Variants in JUP observed in about 807,000 individuals in gnomAD.
JUP encodes the protein junction plakoglobin.
A neutral mutation model predicts 71.1 loss-of-function variants in JUP; 28 were observed. The ratio of observed to expected loss-of-function variants is 0.39; its 90% CI spans 0.29 to 0.54. The LOEUF (loss-of-function observed/expected upper bound fraction) is 0.54. JUP is among the 20% of genes least tolerant of loss of function. The probability of loss-of-function intolerance (pLI) is 0.62; values close to 1 mark genes in which losing one functional copy is unlikely to be tolerated. For missense variants in JUP, 869 were observed against 1,030.1 expected, an observed-to-expected ratio of 0.84 and a Z score of 2.14; for synonymous variants, 401 against 438.9, an observed-to-expected ratio of 0.91 and a Z score of 1.08.
chr17:41,758,299 C>T, intron 10 of JUP, 100 bp downstream of exon 10: 2 of 1,523,456 alleles, frequency 1.3e-6, no homozygotes, highest in Non-Finnish European at 1.8e-6. Flanking sequence ...CTCCAAAGAC[C>T]TCTTGATACC....
In JUP at chr17:41,768,330, C is replaced by G. The variant is rs1018684550; in HGVS notation, c.707+639G>C. On this transcript the variant is annotated intron_variant, in intron 4 of 13. Coordinates refer to ENST00000393931, the MANE Select transcript of JUP (RefSeq NM_002230.4). ...AGGAGAATCTCTTGAACCCGGGAGG[C>G]AGAGGTTGCAGTAAGCCGAGACTGT... 3.3e-5 allele frequency among the ~76,000 whole-genome samples: 5 copies of G among 151,856 alleles called. 1 individual carries two copies. Among genetic ancestry groups the G allele is most frequent in the Admixed American group, 6.6e-5 (1 of 15,260 alleles).
intron 1 of JUP, among the ~76,000 whole-genome samples, chr17:41,775,009 G>A (rs963216010): frequency 1.4e-4 from 22 of 152,018 alleles, no homozygotes; most frequent in African/African-American, 3.9e-4. Context: ...AGGCTGGGGC[G>A]GGAGAATTGC....
rs1913651860 is a variant in JUP, at chr17:41,755,991, AC to A, written c.2087-97del. The A allele has an allele frequency of 4.2e-6, 6 of 1,437,500 alleles. No individual in the cohort carries two copies. In the East Asian group the frequency reaches 7.1e-5, roughly 17 times the overall value. 89.0% of individuals were successfully genotyped at this position (1,437,500 alleles called of 1,614,324 possible). On this transcript the variant is annotated intron_variant, in intron 13 of 13. Transcript: ENST00000393931. Reference sequence around the variant, plus strand: ...TCAGCTGCCTCCTCTACCCATGCCCACCCCTGGTGGGCCTGACCCCTCCCCA... The same window carrying A: ...TCAGCTGCCTCCTCTACCCATGCCCACCCTGGTGGGCCTGACCCCTCCCCA...
At chr17:41,770,566 C>T (rs1473447462) in intron 2 of JUP, among the ~76,000 whole-genome samples, 1 of 152,172 alleles carries the variant, frequency 6.6e-6, no homozygotes, top group African/African-American at 2.4e-5. Context: ...AGGGAGGAGA[C>T]TGGCATGCGA....
At chr17:41,784,516 G>T (rs7213095) in intron 1 of JUP, among the ~76,000 whole-genome samples, 73,793 of 151,906 alleles carry the variant, frequency 0.49, 18,361 homozygotes, top group Middle Eastern at 0.74. Flanking sequence ...AACTAATCAT[G>T]TAGCCAACAT....
chr17:41,760,672 T>C (rs569920390), intron 8 of JUP, among the ~76,000 whole-genome samples: 5 of 152,230 alleles, frequency 3.3e-5, no homozygotes, highest in Non-Finnish European at 5.9e-5. Context: ...GTAATTCTTC[T>C]GCCTCAGCCT....
At chr17:41,763,768 T>C (rs1567810873) in intron 7 of JUP, among the ~76,000 whole-genome samples, 2 of 152,108 alleles carry the variant, frequency 1.3e-5, no homozygotes, top group South Asian at 2.1e-4. Context: ...GTCACCTTTC[T>C]GGGCCTTCAC....
Position 41,755,367 on chromosome 17 carries a change from A to G in JUP, c.*377T>C. On this transcript the variant is annotated 3_prime_UTR_variant, in exon 14 of 14. Coordinates refer to ENST00000393931, the MANE Select transcript of JUP (RefSeq NM_002230.4). ...CAGGAAGTTACACCCCGGCTTCCCC[A>G]GCTCAGGCACTTTTCTGTCTTGCCC... The G allele has an allele frequency of 7.4e-6, 3 of 404,900 alleles. No individual in the cohort carries two copies. The highest frequency in any genetic ancestry group is 1.3e-5 in the Non-Finnish European group (3 of 230,050). 25.1% of individuals were successfully genotyped at this position (404,900 alleles called of 1,614,324 possible).
intron 11 of JUP, 37 bp from the exon 12 acceptor site, chr17:41,757,573 C>T (rs782390265): frequency 8.7e-6 from 14 of 1,613,982 alleles, no homozygotes; most frequent in African/African-American, 1.3e-5. Context: ...GGTTAAACGT[C>T]GGCCAGCCTC....
At chr17:41,767,647 T>C (rs1299322923) in intron 4 of JUP, 67 bp from the exon 5 acceptor site, 2 of 1,358,130 alleles carry the variant, frequency 1.5e-6, no homozygotes, top group African/African-American at 2.9e-5. Flanking sequence ...GAGCCTGGCA[T>C]GGGTTCCCAC....
At chr17:41,766,496 A>G (rs1915736453) in intron 5 of JUP, among the ~76,000 whole-genome samples, 1 of 152,088 alleles carries the variant, frequency 6.6e-6, no homozygotes, top group African/African-American at 2.4e-5. Context: ...CAAGGCAGGC[A>G]GATCACTTGA....
Position 41,755,288 on chromosome 17 carries a change from G to T in JUP, c.*456C>A. 2.5e-6 allele frequency: 1 copy of T among 400,088 alleles called. No homozygotes were observed. Among genetic ancestry groups the T allele is most frequent in the Non-Finnish European group, 4.4e-6 (1 of 227,212 alleles). 24.8% of individuals were successfully genotyped at this position (400,088 alleles called of 1,614,324 possible). On this transcript the variant is annotated 3_prime_UTR_variant, in exon 14 of 14. Coordinates refer to ENST00000393931, the MANE Select transcript of JUP (RefSeq NM_002230.4). Reference sequence around the variant, plus strand: ...TGCCCAGGACAGAAAAGCAGGAGCAGAACACTATCCCAAGAAAGACCCTAC... The same window carrying T: ...TGCCCAGGACAGAAAAGCAGGAGCATAACACTATCCCAAGAAAGACCCTAC...
intron 10 of JUP, 37 bp from the exon 11 acceptor site, chr17:41,757,821 GA>G: frequency 6.4e-7 from 1 of 1,570,234 alleles, no homozygotes; most frequent in Non-Finnish European, 8.7e-7. Flanking sequence ...GGGAGAGGTG[GA>G]AAGGGGTGAG....
At chr17:41,756,770 T>G (rs782047301) in intron 12 of JUP, among the ~76,000 whole-genome samples, 9 of 150,750 alleles carry the variant, frequency 6.0e-5, no homozygotes, top group Non-Finnish European at 8.9e-5. Flanking sequence ...TGTGGTAGCG[T>G]GCACCTGTAG....
chr17:41,771,492 C>T (rs1916640721), intron 2 of JUP, 155 bp downstream of exon 2: 1 of 672,254 alleles, frequency 1.5e-6, no homozygotes, highest in Middle Eastern at 4.0e-4. Context: ...GTAGCTGCAC[C>T]TCCTCCTTCA....
At chr17:41,775,584 C>A (rs1404812660) in intron 1 of JUP, among the ~76,000 whole-genome samples, 1 of 152,230 alleles carries the variant, frequency 6.6e-6, no homozygotes, top group Non-Finnish European at 1.5e-5. Flanking sequence ...GCGAGAGAGA[C>A]AGACGCAGGC....
intron 1 of JUP, among the ~76,000 whole-genome samples, chr17:41,775,247 A>G (rs2046825209): frequency 6.6e-6 from 1 of 152,184 alleles, no homozygotes; most frequent in South Asian, 2.1e-4. Flanking sequence ...AACAGACAGA[A>G]GAAGGCTGGG....
At chr17:41,773,468 G>A (rs1851136374) in intron 1 of JUP, among the ~76,000 whole-genome samples, 1 of 152,218 alleles carries the variant, frequency 6.6e-6, no homozygotes, top group Non-Finnish European at 1.5e-5. Flanking sequence ...AGAGTTTCAG[G>A]CTGATTAAAC....
intron 1 of JUP, among the ~76,000 whole-genome samples, chr17:41,774,962 G>T (rs1555608207): frequency 6.6e-6 from 1 of 152,026 alleles, no homozygotes; most frequent in African/African-American, 2.4e-5. Context: ...AATTAGCCAG[G>T]CATGGTGGTG....
Sources: gnomAD v4.1 joint callset for allele counts (sites outside exome capture counted in the v4.1 genomes callset) on GRCh38, gnomAD v4.1.1 for gene constraint, MANE v1.5 for transcripts, NCBI Gene and HGNC (gene_info 2026-07-23, HGNC 2026-07-21) for gene names.